Variants in BMS1 observed in about 807,000 individuals in gnomAD.
BMS1 encodes ribosome biogenesis protein BMS1 homolog.
Under a neutral mutation model 138.7 loss-of-function variants are expected in BMS1, and 53 were observed. The observed-to-expected ratio is 0.38, with a 90% CI of 0.31 to 0.48. The LOEUF is 0.48. BMS1 is among the 20% of genes least tolerant of loss of function. BMS1 has a pLI of 0.97. For missense variants in BMS1, 1,360 were observed against 1,565.5 expected, an observed-to-expected ratio of 0.87 and a Z score of 2.22; for synonymous variants, 504 against 539.9, an observed-to-expected ratio of 0.93 and a Z score of 0.92.
At chr10:42,816,098 G>A (rs1380123863) in intron 13 of BMS1, among the ~76,000 whole-genome samples, 10 of 152,040 alleles carry the variant, frequency 6.6e-5, no homozygotes, top group Non-Finnish European at 1.0e-4. Flanking sequence ...TCAGGAGTTC[G>A]AGACCAGCCT....
In BMS1 at chr10:42,802,202, G is replaced by T; in HGVS notation, c.2313G>T (p.Lys771Asn). Residue 771 changes from lysine to asparagine, a missense_variant, in exon 13 of 23, where the codon AAG (lysine) becomes AAT (asparagine). This residue lies in a region of BMS1 where 697 missense variants were observed against 686.2 expected (regional missense o/e 1.02). Coordinates refer to ENST00000374518, the MANE Select transcript of BMS1 (RefSeq NM_014753.4). ...GGGAAGATGATAAAGATGCAGCCAA[G>T]GTCTTAGCAGAAGATGGTAAGTAAA... ...GKWEDDKDAA[K>N]VLAEDEELYG... is the part of the protein sequence containing the mutation. The T allele has an allele frequency of 6.2e-7, 1 of 1,613,114 alleles. No homozygotes were observed. The highest frequency in any genetic ancestry group is 1.1e-5 in the South Asian group (1 of 90,900).
intron 9 of BMS1, 70 bp downstream of exon 9, chr10:42,794,061 C>T (rs1018441628): frequency 3.4e-5 from 53 of 1,537,540 alleles, no homozygotes; most frequent in African/African-American, 4.1e-5. Flanking sequence ...CATAATTCAG[C>T]CATCATAACA....
At position 42,797,120 on chromosome 10, in the gene BMS1, G is replaced by A. The variant is rs200008126; in HGVS notation, c.1876G>A (p.Gly626Ser). 2.0e-5 allele frequency: 32 copies of A among 1,614,196 alleles called. No homozygotes were observed. The African/African-American group carries it at 4.1e-4, about 21-fold the overall frequency. Residue 626 changes from glycine to serine, a missense_variant, in exon 10 of 23, where the codon GGT becomes AGT. Physicochemically the swap from Gly to Ser is moderately conservative, Grantham distance 56. Transcript: ENST00000374518. ...TTCAAAGCCTTCTCAAGTGAGCAGT[G>A]GTCAGAAACTGGGGCCACAGAACTT... ...KLSKPSQVSS[G>S]QKLGPQNFID...
In BMS1 at chr10:42,796,633, G is replaced by T; in HGVS notation, c.1389G>T (p.Glu463Asp). 4.3e-6 allele frequency: 7 copies of T among 1,614,166 alleles called. No individual in the cohort carries two copies. The highest frequency in any genetic ancestry group is 5.9e-6 in the Non-Finnish European group (7 of 1,180,016). The change falls in exon 10 of 23, where the codon GAG becomes GAT. Residue 463 changes from glutamate to aspartate, a missense_variant. This residue lies in a region of BMS1 where 697 missense variants were observed against 686.2 expected (regional missense o/e 1.02). Transcript: ENST00000374518. ...GGTTGGAAAACGGCTCTAGTGATGA[G>T]GAAGCAGAAGAGGAGGAAAATGCTG... ...DDGLENGSSD[E>D]EAEEEENAEM... is the part of the protein sequence containing the mutation.
chr10:42,806,601 G>A (rs989381610), intron 13 of BMS1, among the ~76,000 whole-genome samples: 1 of 152,106 alleles, frequency 6.6e-6, no homozygotes, highest in Non-Finnish European at 1.5e-5. Context: ...CAAGCGTGGT[G>A]GCACACGCCC....
intron 4 of BMS1, among the ~76,000 whole-genome samples, chr10:42,789,434 A>G (rs1273313761): frequency 6.6e-6 from 1 of 152,176 alleles, no homozygotes; most frequent in African/African-American, 2.4e-5. Context: ...TTAGTTATCT[A>G]TGCAAAGATA....
chr10:42,791,046 C>T (rs1841490287), intron 5 of BMS1, among the ~76,000 whole-genome samples: 1 of 151,646 alleles, frequency 6.6e-6, no homozygotes, highest in Non-Finnish European at 1.5e-5. Flanking sequence ...TGTGTGTTCA[C>T]AGTCTCTGGC....
intron 13 of BMS1, among the ~76,000 whole-genome samples, chr10:42,806,941 A>G (rs531419980): frequency 6.6e-6 from 1 of 152,168 alleles, no homozygotes; most frequent in African/African-American, 2.4e-5. Context: ...TATATGTACT[A>G]TGTATACTAT....
chr10:42,802,309 A>T (rs1042450685), intron 13 of BMS1, 91 bp downstream of exon 13: 4 of 1,120,036 alleles, frequency 3.6e-6, no homozygotes, highest in Non-Finnish European at 5.1e-6. Context: ...TGAAAATAAT[A>T]GTCACTTGTC....
Position 42,811,526 on chromosome 10 carries a change from C to CT in BMS1, c.2330-5057dup, listed in dbSNP as rs60192795. 3.2e-3 allele frequency among the ~76,000 whole-genome samples: 337 copies of CT among 105,534 alleles called. 5 individuals are homozygous for CT. The highest frequency in any genetic ancestry group is 6.6e-3 in the African/African-American group (169 of 25,576). 69.2% of individuals were successfully genotyped at this position (105,534 alleles called of 152,430 possible). A position where few individuals can be genotyped will look rare whatever the true frequency, so the allele number is the denominator to read the frequency against. ...TGTTCACGTGTTGTATTTTCTTTTT[C>CT]TTTTTTTTTTTTTTTTGAGACGGAG... On this transcript the variant is annotated intron_variant, in intron 13 of 22. Transcript: ENST00000374518.
In BMS1 at chr10:42,796,701, G is replaced by A. The variant is rs768747603; in HGVS notation, c.1457G>A (p.Arg486Gln). 22 of 1,614,054 alleles carry A rather than the reference G, an allele frequency of 1.4e-5. No homozygotes were observed. Among genetic ancestry groups the A allele is most frequent in the South Asian group, 6.6e-5 (6 of 91,086 alleles). ...QYMAVKGIKRRKLELEEDSEM... is the reference protein window; with the variant it reads ...QYMAVKGIKRQKLELEEDSEM... Reference sequence around the variant, plus strand: ...ATGGCTGTTAAGGGCATCAAACGACGGAAACTTGAGTTGGAAGAAGACAGT... The same window carrying A: ...ATGGCTGTTAAGGGCATCAAACGACAGAAACTTGAGTTGGAAGAAGACAGT... Residue 486 changes from arginine to glutamine, a missense_variant, in exon 10 of 23, where the codon CGG becomes CAG. By Grantham distance (43) the Arg-to-Gln change is conservative. Transcript: ENST00000374518.
chr10:42,798,945 A>T (rs919594816), intron 12 of BMS1, among the ~76,000 whole-genome samples: 10 of 152,218 alleles, frequency 6.6e-5, no homozygotes, highest in Admixed American at 6.5e-4. Context: ...GGATATATGT[A>T]GCATCCCTGA....
rs1841706021 is a variant in BMS1, at chr10:42,796,957, A to G, written c.1713A>G (p.Lys571=). The G allele has an allele frequency of 6.2e-7, 1 of 1,614,218 alleles. No homozygotes were observed. Among genetic ancestry groups the G allele is most frequent in the African/African-American group, 1.3e-5 (1 of 75,060 alleles). The change falls in exon 10 of 23, where the codon AAA becomes AAG. Residue 571 remains lysine, a synonymous_variant. Coordinates refer to ENST00000374518, the MANE Select transcript of BMS1 (RefSeq NM_014753.4). ...TGGAGAAGTCTTTGCTGATGAAGAA[A>G]GCAGCTCTCCCCACTTTCGATTCTG... ...VNLEKSLLMK[K]AALPTFDSGH... is the part of the protein sequence containing the mutation.
intron 15 of BMS1, among the ~76,000 whole-genome samples, chr10:42,818,595 G>A (rs560157928): frequency 7.2e-5 from 11 of 152,300 alleles, no homozygotes; most frequent in African/African-American, 2.4e-4. Flanking sequence ...CTGGAAGGAC[G>A]GGTTGTTGTA....
chr10:42,800,676 A>C (rs11239774), intron 12 of BMS1, among the ~76,000 whole-genome samples: 1 of 151,414 alleles, frequency 6.6e-6, no homozygotes, highest in Non-Finnish European at 1.5e-5. Context: ...ACAGGCGCCC[A>C]CCACTAGGCC....
At chr10:42,803,416 GGCATGAGC>G (rs1364279613) in intron 13 of BMS1, among the ~76,000 whole-genome samples, 1 of 152,126 alleles carries the variant, frequency 6.6e-6, no homozygotes. Flanking sequence ...TGGGATTACA[GGCATGAGC>G]CACTGTGCCT....
At chr10:42,804,827 C>G (rs1478864824) in intron 13 of BMS1, among the ~76,000 whole-genome samples, 1 of 151,944 alleles carries the variant, frequency 6.6e-6, no homozygotes, top group Non-Finnish European at 1.5e-5. Context: ...AAGCCATTCT[C>G]CTGCCTCAGC....
Position 42,792,949 on chromosome 10 carries a change from T to C in BMS1, c.902-8T>C. 1 of 1,606,662 alleles carries C rather than the reference T, an allele frequency of 6.2e-7. No homozygotes were observed. Among genetic ancestry groups the C allele is most frequent in the East Asian group, 2.2e-5 (1 of 44,818 alleles). On this transcript the variant is annotated splice_region_variant and splice_polypyrimidine_tract_variant and intron_variant, in intron 7 of 22. Transcript: ENST00000374518. ...AGCTGAAGCTGGCTTTTGGGTTCTG[T>C]CTTCCAGGGGTAGGAGATTTTGCCG...
chr10:42,834,850 G>C lies in BMS1; in HGVS notation c.*3754G>C, dbSNP rs1564437900. On this transcript the variant is annotated 3_prime_UTR_variant, in exon 23 of 23. Coordinates refer to ENST00000374518, the MANE Select transcript of BMS1 (RefSeq NM_014753.4). ...TGTAAATTTTTTTGAGGGGAGGGGT[G>C]GGCTTGTTTTTTTCTGTGTTTCGGT... The C allele has an allele frequency of 6.6e-6, 1 of 152,152 alleles. No individual in the cohort carries two copies. Among genetic ancestry groups the C allele is most frequent in the Non-Finnish European group, 1.5e-5 (1 of 67,974 alleles). 9.4% of individuals were successfully genotyped at this position (152,152 alleles called of 1,614,324 possible).
Sources: gnomAD v4.1 joint callset for allele counts (sites outside exome capture counted in the v4.1 genomes callset) on GRCh38, gnomAD v4.1.1 for gene constraint, gnomAD v4.1.1 regional missense constraint, MANE v1.5 for transcripts, NCBI Gene and HGNC (gene_info 2026-07-23, HGNC 2026-07-21) for gene names.